The following GPR19 variants were observed in gnomAD, a reference collection of about 807,000 sequenced individuals.
The protein encoded by GPR19 is probable G protein-coupled receptor 19.
In GPR19, 14 loss-of-function variants were observed where a neutral mutation model predicts 28.5. That is an observed-to-expected ratio of 0.49 (90% confidence interval 0.32 to 0.77). The LOEUF (loss-of-function observed/expected upper bound fraction) is 0.77, where lower values mean the gene tolerates loss of function less well. Among genes scored for constraint, GPR19 ranks in the 30% least tolerant of loss-of-function variants. The probability of loss-of-function intolerance (pLI) is 0.03; values close to 1 mark genes in which losing one functional copy is unlikely to be tolerated. For missense variants in GPR19, 409 were observed against 504.1 expected, an observed-to-expected ratio of 0.81 and a Z score of 1.81; for synonymous variants, 173 against 184.1, an observed-to-expected ratio of 0.94 and a Z score of 0.49.
chr12:12,678,353 C>G (rs1012801516), intron 3 of GPR19, among the ~76,000 whole-genome samples: 1 of 152,112 alleles, frequency 6.6e-6, no homozygotes, highest in Non-Finnish European at 1.5e-5. Flanking sequence ...GCAACATGCT[C>G]TGTTTAGGAC....
the GPR19 span, among the ~76,000 whole-genome samples, chr12:12,715,608 T>C: frequency 6.6e-6 from 1 of 152,242 alleles, no homozygotes; most frequent in African/African-American, 2.4e-5. Context: ...TTTCAGTCAC[T>C]TGTAAGACAG....
the GPR19 span, among the ~76,000 whole-genome samples, chr12:12,704,416 C>T: frequency 4.6e-5 from 7 of 152,148 alleles, no homozygotes; most frequent in African/African-American, 1.7e-4. Context: ...GCAGTAGAAT[C>T]GCTTGAACCC....
chr12:12,661,143 T>C lies in GPR19; in HGVS notation c.*58A>G, dbSNP rs1205573790. Reference sequence around the variant, plus strand: ...TGAAAACAAATATGTAAATAGCTTCTGTTTTTATAGTTAAAGCTTTTTAAT... The same window carrying C: ...TGAAAACAAATATGTAAATAGCTTCCGTTTTTATAGTTAAAGCTTTTTAAT... On this transcript the variant is annotated 3_prime_UTR_variant, in exon 4 of 4. Coordinates refer to ENST00000651487, the MANE Select transcript of GPR19 (RefSeq NM_006143.3). This position sits in a 1 kb window ranked among gnomAD's most constrained non-coding sequence, Gnocchi z 4.2. 3.8e-5 allele frequency: 46 copies of C among 1,194,938 alleles called. No individual in the cohort carries two copies. Among genetic ancestry groups the C allele is most frequent in the African/African-American group, 6.1e-5 (4 of 65,390 alleles). 74.0% of individuals were successfully genotyped at this position (1,194,938 alleles called of 1,614,324 possible). A position where few individuals can be genotyped will look rare whatever the true frequency, so the allele number is the denominator to read the frequency against.
chr12:12,716,384 G>A, the GPR19 span, among the ~76,000 whole-genome samples: 1 of 152,186 alleles, frequency 6.6e-6, no homozygotes, highest in Non-Finnish European at 1.5e-5. Context: ...GAGGAAGGAA[G>A]GAGCTGTTGT....
the GPR19 span, among the ~76,000 whole-genome samples, chr12:12,701,998 T>C: frequency 6.6e-6 from 1 of 152,002 alleles, no homozygotes; most frequent in Non-Finnish European, 1.5e-5. Context: ...TATAAGCATT[T>C]TGCTTGCATC....
upstream of GPR19, among the ~76,000 whole-genome samples, chr12:12,696,710 A>G (rs1244964554): frequency 6.6e-6 from 1 of 152,252 alleles, no homozygotes; most frequent in Non-Finnish European, 1.5e-5. Context: ...TTTGTTTACC[A>G]GTCCAGGCGA....
At chr12:12,671,404 G>A (rs1592256656) in intron 3 of GPR19, among the ~76,000 whole-genome samples, 1 of 151,922 alleles carries the variant, frequency 6.6e-6, no homozygotes, top group African/African-American at 2.4e-5. Flanking sequence ...GAAACTCCTG[G>A]TGCCACAAGC....
At chr12:12,678,826 G>A (rs746093321) in intron 3 of GPR19, among the ~76,000 whole-genome samples, 11 of 152,074 alleles carry the variant, frequency 7.2e-5, no homozygotes, top group Non-Finnish European at 1.6e-4. Context: ...AGACAGAGTC[G>A]CACTCTGTTA....
chr12:12,673,014 G>A (rs918451403), intron 3 of GPR19, among the ~76,000 whole-genome samples: 16 of 152,174 alleles, frequency 1.1e-4, no homozygotes, highest in African/African-American at 3.4e-4. Context: ...TTAGTGCTAT[G>A]TAGAAAAAGA....
Position 12,660,970 on chromosome 12 carries a change from T to C in GPR19, c.*231A>G. 2.4e-6 allele frequency: 1 copy of C among 425,054 alleles called. No individual in the cohort carries two copies. 26.3% of individuals were successfully genotyped at this position (425,054 alleles called of 1,614,324 possible). ...TTTTCTTTTTTATGCATGTAACTAA[T>C]ATATTAATAGTAAAAGGACTGTTGG... On this transcript the variant is annotated 3_prime_UTR_variant, in exon 4 of 4. Coordinates refer to ENST00000651487, the MANE Select transcript of GPR19 (RefSeq NM_006143.3).
At chr12:12,678,073 C>T (rs930691791) in intron 3 of GPR19, among the ~76,000 whole-genome samples, 597 of 46,180 alleles carry the variant, frequency 0.013, 49 homozygotes, top group African/African-American at 0.041. Context: ...GACTCTGTCT[C>T]AAAAAAAAAA....
chr12:12,715,624 C>G, the GPR19 span, among the ~76,000 whole-genome samples: 1 of 152,188 alleles, frequency 6.6e-6, no homozygotes, highest in African/African-American at 2.4e-5. Context: ...GACAGCAGGA[C>G]CTGCAGACTA....
At chr12:12,701,023 TATTA>T (rs2033058253), upstream of GPR19, among the ~76,000 whole-genome samples, 2 of 152,210 alleles carry the variant, frequency 1.3e-5, no homozygotes, top group Admixed American at 1.3e-4. Context: ...CCCTTGAGGG[TATTA>T]ATTCCAATTA....
At chr12:12,711,184 C>T in the GPR19 span, among the ~76,000 whole-genome samples, 1 of 151,154 alleles carries the variant, frequency 6.6e-6, no homozygotes. Context: ...ATCCCAGCTA[C>T]TCGGGAGGCT....
intron 3 of GPR19, among the ~76,000 whole-genome samples, chr12:12,667,154 T>G (rs570872246): frequency 2.6e-5 from 4 of 152,312 alleles, no homozygotes; most frequent in African/African-American, 9.6e-5. Flanking sequence ...CCATATGCAG[T>G]AATTTTAGCA....
the GPR19 span, among the ~76,000 whole-genome samples, chr12:12,702,181 C>T: frequency 6.6e-6 from 1 of 151,790 alleles, no homozygotes; most frequent in Non-Finnish European, 1.5e-5. Flanking sequence ...ATGGTTTGTA[C>T]AAATTAGGCA....
intron 2 of GPR19, among the ~76,000 whole-genome samples, chr12:12,694,836 G>C (rs1246329758): frequency 6.6e-6 from 1 of 152,146 alleles, no homozygotes; most frequent in East Asian, 1.9e-4. Flanking sequence ...AGACACCCAG[G>C]CTTCAACCCT....
intron 3 of GPR19, among the ~76,000 whole-genome samples, chr12:12,671,252 G>A (rs533128416): frequency 6.6e-6 from 1 of 151,338 alleles, no homozygotes; most frequent in East Asian, 1.9e-4. Context: ...GTTGCAGTGA[G>A]CTGAGATTAC....
chr12:12,702,608 C>T, the GPR19 span, among the ~76,000 whole-genome samples: 1 of 152,152 alleles, frequency 6.6e-6, no homozygotes, highest in Non-Finnish European at 1.5e-5. Context: ...TCAGTGCCTT[C>T]TCGTTTTTTT....
Sources: gnomAD v4.1 joint callset for allele counts (sites outside exome capture counted in the v4.1 genomes callset) on GRCh38, gnomAD v4.1.1 for gene constraint, Gnocchi (gnomAD v3.1) non-coding constraint, MANE v1.5 for transcripts, NCBI Gene and HGNC (gene_info 2026-07-23, HGNC 2026-07-21) for gene names.